TASP1: variants seen among roughly 807,000 people sequenced by gnomAD.
The protein encoded by TASP1 is threonine aspartase 1.
Under a neutral mutation model 56.6 loss-of-function variants are expected in TASP1, and 16 were observed. That is an observed-to-expected ratio of 0.28 (90% CI 0.19 to 0.43). The LOEUF is 0.43. Among genes scored for constraint, TASP1 ranks in the 20% least tolerant of loss-of-function variants. The pLI is 1.00. For synonymous variants in TASP1, 179 were observed against 184.2 expected (o/e 0.97, Z 0.23); for missense variants, 393 against 511.6 (o/e 0.77, Z 2.24).
intron 4 of TASP1, among the ~76,000 whole-genome samples, chr20:13,588,789 T>C (rs1380747120): frequency 6.6e-6 from 1 of 152,126 alleles, no homozygotes; most frequent in Non-Finnish European, 1.5e-5. Context: ...GCTACTTTTT[T>C]TGGCAGAAAC....
chr20:13,267,719 A>C, the TASP1 span, among the ~76,000 whole-genome samples: 3 of 152,238 alleles, frequency 2.0e-5, no homozygotes, highest in Non-Finnish European at 4.4e-5. Context: ...AATGTTAAAG[A>C]GTAGCAAAAA....
the TASP1 span, chr20:13,164,436 G>T: frequency 4.1e-6 from 2 of 492,332 alleles, no homozygotes; most frequent in African/African-American, 2.0e-5. Context: ...CTACATATAA[G>T]TCACTACATT....
At chr20:13,205,702 G>A in the TASP1 span, among the ~76,000 whole-genome samples, 17 of 152,256 alleles carry the variant, frequency 1.1e-4, no homozygotes, top group East Asian at 3.3e-3. Context: ...ACCTCCGAAT[G>A]CCATCACATT....
chr20:13,159,939 C>A, the TASP1 span: 11 of 1,432,764 alleles, frequency 7.7e-6, no homozygotes, highest in South Asian at 1.7e-5. Context: ...CCTTTTTTGT[C>A]AGGATAATTT....
chr20:13,609,377 A>C (rs2147421503), intron 4 of TASP1, among the ~76,000 whole-genome samples: 1 of 152,290 alleles, frequency 6.6e-6, no homozygotes, highest in South Asian at 2.1e-4. Context: ...ACCATGGAAA[A>C]AGGTTCAACA....
the TASP1 span, among the ~76,000 whole-genome samples, chr20:13,374,276 C>T: frequency 2.0e-5 from 3 of 151,958 alleles, no homozygotes; most frequent in Non-Finnish European, 4.4e-5. Flanking sequence ...TGTGTGTGAG[C>T]ATCCGTGTGT....
At chr20:13,318,460 A>G in the TASP1 span, among the ~76,000 whole-genome samples, 1 of 152,226 alleles carries the variant, frequency 6.6e-6, no homozygotes, top group Non-Finnish European at 1.5e-5. Context: ...CATAGGATCC[A>G]ACAATTGTGC....
At chr20:13,595,292 T>A (rs1176906361) in intron 4 of TASP1, among the ~76,000 whole-genome samples, 1 of 152,100 alleles carries the variant, frequency 6.6e-6, no homozygotes, top group Non-Finnish European at 1.5e-5. Context: ...GTAAAGACCA[T>A]CAATGCTATG....
chr20:13,358,839 G>A, the TASP1 span, among the ~76,000 whole-genome samples: 35 of 148,950 alleles, frequency 2.3e-4, no homozygotes, highest in South Asian at 2.1e-4. Context: ...CACCCTTAGC[G>A]GCAAGTCCCG....
intron 11 of TASP1, among the ~76,000 whole-genome samples, chr20:13,466,930 A>G (rs2044281363): frequency 6.6e-6 from 1 of 152,266 alleles, no homozygotes; most frequent in South Asian, 2.1e-4. Context: ...TTTGTGAGGT[A>G]GGCAAAGCAG....
At chr20:13,416,898 C>A (rs1192045725) in intron 13 of TASP1, among the ~76,000 whole-genome samples, 1 of 152,220 alleles carries the variant, frequency 6.6e-6, no homozygotes, top group Non-Finnish European at 1.5e-5. Context: ...ACGAGTGCCA[C>A]AGGCATGTGG....
chr20:13,582,718 A>T (rs1051204466), intron 5 of TASP1, among the ~76,000 whole-genome samples: 1 of 152,200 alleles, frequency 6.6e-6, no homozygotes, highest in African/African-American at 2.4e-5. Flanking sequence ...TACATATAAG[A>T]GGGAGAAAGA....
chr20:13,523,855 G>C (rs2044864986), intron 10 of TASP1, among the ~76,000 whole-genome samples: 1 of 152,138 alleles, frequency 6.6e-6, no homozygotes, highest in African/African-American at 2.4e-5. Flanking sequence ...TACATCTTCT[G>C]ATCTTAGTCA....
chr20:13,170,277 G>A, the TASP1 span, among the ~76,000 whole-genome samples: 51 of 152,206 alleles, frequency 3.4e-4, no homozygotes, highest in East Asian at 9.7e-3. Flanking sequence ...TTTTTTCTTA[G>A]AATGTTTATC....
At chr20:13,200,304 C>T in the TASP1 span, among the ~76,000 whole-genome samples, 1 of 152,178 alleles carries the variant, frequency 6.6e-6, no homozygotes, top group South Asian at 2.1e-4. Flanking sequence ...GAGTGCTCAC[C>T]ATTTGGAAAG....
the TASP1 span, among the ~76,000 whole-genome samples, chr20:13,335,325 C>T: frequency 2.6e-5 from 1 of 38,350 alleles, no homozygotes; most frequent in Non-Finnish European, 4.0e-5. Context: ...CTCACCTATG[C>T]ACACACACAC....
chr20:13,287,478 T>C, the TASP1 span, among the ~76,000 whole-genome samples: 2 of 152,142 alleles, frequency 1.3e-5, no homozygotes, highest in African/African-American at 4.8e-5. Context: ...ACCATATCAA[T>C]AGGGTACCAC....
chr20:13,263,253 CTG>C, the TASP1 span, among the ~76,000 whole-genome samples: 1 of 152,184 alleles, frequency 6.6e-6, no homozygotes, highest in African/African-American at 2.4e-5. Flanking sequence ...GCCTTGTCAT[CTG>C]TGTCTTCACA....
intron 8 of TASP1, among the ~76,000 whole-genome samples, chr20:13,550,161 C>CAA (rs1555786685): frequency 0.017 from 2,507 of 151,032 alleles, 67 homozygotes; most frequent in African/African-American, 0.056. Context: ...CACACACACA[C>CAA]ACACACACAC....
Sources: gnomAD v4.1 joint callset for allele counts (sites outside exome capture counted in the v4.1 genomes callset) on GRCh38, gnomAD v4.1.1 for gene constraint, MANE v1.5 for transcripts, NCBI Gene and HGNC (gene_info 2026-07-23, HGNC 2026-07-21) for gene names.